The following SCFD2 variants were observed in gnomAD, a reference collection of about 807,000 sequenced individuals.
SCFD2 encodes the protein sec1 family domain containing 2.
A neutral mutation model predicts 58.9 loss-of-function variants in SCFD2; 54 were observed. That is an observed-to-expected ratio of 0.92 (90% CI 0.74 to 1.15). The LOEUF (loss-of-function observed/expected upper bound fraction) is 1.15, where lower values mean the gene tolerates loss of function less well. Among genes scored for constraint, SCFD2 ranks in the 50% most tolerant of loss-of-function variants. SCFD2 has a pLI of 0.00. For missense variants in SCFD2, 805 were observed against 836.6 expected (o/e 0.96, Z 0.47); for synonymous variants, 321 against 335.9 (o/e 0.96, Z 0.49).
At chr4:53,252,047 A>C (rs1323826987) in intron 4 of SCFD2, among the ~76,000 whole-genome samples, 1 of 152,116 alleles carries the variant, frequency 6.6e-6, no homozygotes, top group Non-Finnish European at 1.5e-5. Context: ...CTCAGGATAC[A>C]AAATCAATGT....
intron 5 of SCFD2, among the ~76,000 whole-genome samples, chr4:53,042,702 G>GT (rs111693275): frequency 0.14 from 20,660 of 150,964 alleles, 2,336 homozygotes; most frequent in African/African-American, 0.31. Flanking sequence ...TATTTTTTTT[G>GT]TTTTTTTCAG....
chr4:53,336,982 A>G (rs554406923), intron 2 of SCFD2, among the ~76,000 whole-genome samples: 137 of 152,330 alleles, frequency 9.0e-4, no homozygotes, highest in African/African-American at 3.2e-3. Flanking sequence ...GCAAATTCAA[A>G]CCACAATGAG....
intron 4 of SCFD2, among the ~76,000 whole-genome samples, chr4:53,187,007 GA>G (rs1244735759): frequency 1.3e-5 from 2 of 151,096 alleles, no homozygotes; most frequent in African/African-American, 4.9e-5. Context: ...ACTGTAAAAA[GA>G]AAAAAGCATT....
intron 1 of SCFD2, 39 bp from the exon 2 acceptor site, chr4:53,352,805 G>T: frequency 1.3e-6 from 2 of 1,544,992 alleles, no homozygotes; most frequent in Non-Finnish European, 1.8e-6. Context: ...TCATAAAATG[G>T]GAGGAAAAAG....
At chr4:53,253,196 C>T (rs908337859) in intron 4 of SCFD2, among the ~76,000 whole-genome samples, 15 of 152,238 alleles carry the variant, frequency 9.9e-5, no homozygotes, top group Admixed American at 3.3e-4. Flanking sequence ...GAGATACTAT[C>T]TCCCACCAGT....
intron 3 of SCFD2, among the ~76,000 whole-genome samples, chr4:53,274,863 A>G (rs907753356): frequency 1.3e-5 from 2 of 152,196 alleles, no homozygotes; most frequent in Middle Eastern, 3.2e-3. Context: ...CAAAAAGGCA[A>G]TGGGGCCAAA....
At chr4:53,253,552 T>A (rs1293084141) in intron 4 of SCFD2, among the ~76,000 whole-genome samples, 2 of 151,972 alleles carry the variant, frequency 1.3e-5, no homozygotes, top group Middle Eastern at 3.2e-3. Context: ...TGGAATACTA[T>A]GTAGCCATAA....
intron 4 of SCFD2, among the ~76,000 whole-genome samples, chr4:53,169,838 T>C (rs1274839825): frequency 1.3e-5 from 2 of 152,242 alleles, no homozygotes; most frequent in Non-Finnish European, 2.9e-5. Context: ...TATCTTCTTT[T>C]GAGAAATATC....
At chr4:53,344,548 C>T (rs1733994988) in intron 2 of SCFD2, among the ~76,000 whole-genome samples, 1 of 152,102 alleles carries the variant, frequency 6.6e-6, no homozygotes, top group Non-Finnish European at 1.5e-5. Context: ...AGATTCAATG[C>T]CATCCCCATC....
chr4:52,934,293 GC>G (rs886602413), intron 5 of SCFD2, among the ~76,000 whole-genome samples: 9 of 152,236 alleles, frequency 5.9e-5, no homozygotes, highest in African/African-American at 1.9e-4. Context: ...GCCATGTGTT[GC>G]CCCCCAAGTT....
chr4:53,117,433 T>C (rs2148889389), intron 5 of SCFD2, among the ~76,000 whole-genome samples: 1 of 152,320 alleles, frequency 6.6e-6, no homozygotes, highest in South Asian at 2.1e-4. Flanking sequence ...GAAAGTTTCT[T>C]AACCTCTGAG....
At chr4:53,083,942 T>C (rs1252909240) in intron 5 of SCFD2, among the ~76,000 whole-genome samples, 1 of 152,040 alleles carries the variant, frequency 6.6e-6, no homozygotes, top group Non-Finnish European at 1.5e-5. Context: ...GAACCACTGA[T>C]AAGGATCCAA....
intron 1 of SCFD2, among the ~76,000 whole-genome samples, chr4:53,360,824 TATC>T (rs1370359971): frequency 2.0e-5 from 3 of 152,252 alleles, no homozygotes; most frequent in Non-Finnish European, 4.4e-5. Context: ...CTCATTGCTT[TATC>T]ATCATATCTT....
At chr4:53,238,060 C>T (rs549108294) in intron 4 of SCFD2, among the ~76,000 whole-genome samples, 2 of 136,768 alleles carry the variant, frequency 1.5e-5, no homozygotes, top group South Asian at 4.8e-4. Flanking sequence ...GGGCTGACCC[C>T]CCCACCTCCC....
At chr4:53,105,290 A>G (rs1438062533) in intron 5 of SCFD2, among the ~76,000 whole-genome samples, 1 of 151,662 alleles carries the variant, frequency 6.6e-6, no homozygotes, top group Non-Finnish European at 1.5e-5. Flanking sequence ...TAGCTTTAGG[A>G]GTTTTTTTTC....
At chr4:53,206,326 A>G (rs1370370332) in intron 4 of SCFD2, among the ~76,000 whole-genome samples, 1 of 152,152 alleles carries the variant, frequency 6.6e-6, no homozygotes, top group African/African-American at 2.4e-5. Flanking sequence ...TAAATAACTA[A>G]AAGTAGAAAT....
intron 7 of SCFD2, among the ~76,000 whole-genome samples, chr4:52,905,022 T>C (rs933027453): frequency 2.0e-5 from 3 of 152,218 alleles, no homozygotes; most frequent in African/African-American, 7.2e-5. Flanking sequence ...TGGTAAGAAC[T>C]TGGCTGAACC....
chr4:53,242,009 T>C (rs945122310), intron 4 of SCFD2, among the ~76,000 whole-genome samples: 3 of 152,176 alleles, frequency 2.0e-5, no homozygotes, highest in Non-Finnish European at 2.9e-5. Context: ...AAGGGCACAA[T>C]TGCTGGACAG....
chr4:53,268,524 G>A (rs1731060845), intron 4 of SCFD2, among the ~76,000 whole-genome samples: 1 of 152,120 alleles, frequency 6.6e-6, no homozygotes, highest in Non-Finnish European at 1.5e-5. Context: ...GAGCGGGGTG[G>A]TGAGGGCAGC....
Sources: gnomAD v4.1 joint callset for allele counts (sites outside exome capture counted in the v4.1 genomes callset) on GRCh38, gnomAD v4.1.1 for gene constraint, MANE v1.5 for transcripts, NCBI Gene and HGNC (gene_info 2026-07-23, HGNC 2026-07-21) for gene names.